Variants in CNTN5 observed in about 807,000 individuals in gnomAD.
The protein encoded by CNTN5 is contactin-5.
CNTN5 carries 77 observed loss-of-function variants against 129.1 expected under a neutral mutation model. That is an observed-to-expected ratio of 0.60 (90% CI 0.50 to 0.72). CNTN5 has a LOEUF of 0.72. CNTN5 is among the 30% of genes least tolerant of loss of function. The pLI is 0.00. For synonymous variants in CNTN5, 509 were observed against 465.6 expected, an observed-to-expected ratio of 1.09 and a Z score of -1.20; for missense variants, 1,478 against 1,328.8, an observed-to-expected ratio of 1.11 and a Z score of -1.75.
At chr11:99,583,598 C>G (rs374561237) in intron 3 of CNTN5, among the ~76,000 whole-genome samples, 1 of 152,214 alleles carries the variant, frequency 6.6e-6, no homozygotes, top group Non-Finnish European at 1.5e-5. Context: ...ATGAGCGAGG[C>G]TCCGTGGGTG....
In CNTN5 at chr11:99,648,067, G is replaced by A. The variant is rs535039253; in HGVS notation, c.55+91798G>A. On this transcript the variant is annotated intron_variant, in intron 3 of 24. Coordinates refer to ENST00000524871, the MANE Select transcript of CNTN5 (RefSeq NM_014361.4). ...TGATGTTACCTGTGGGTTTACCACA[G>A]ATAGCCTTTATTGTGTTGAGGTACT... 2.0e-5 allele frequency among the ~76,000 whole-genome samples: 3 copies of A among 152,084 alleles called. No homozygotes were observed. In the South Asian group the frequency reaches 6.2e-4, roughly 32 times the overall value.
At chr11:100,338,168 G>A (rs1397493679) in intron 21 of CNTN5, among the ~76,000 whole-genome samples, 1 of 152,228 alleles carries the variant, frequency 6.6e-6, no homozygotes, top group African/African-American at 2.4e-5. Context: ...GTTGCAATTT[G>A]TAACTTCCTT....
At chr11:99,355,911 C>A (rs1431500305) in intron 2 of CNTN5, among the ~76,000 whole-genome samples, 1 of 151,230 alleles carries the variant, frequency 6.6e-6, no homozygotes, top group East Asian at 2.0e-4. Context: ...ACTGCAAGCT[C>A]CGCCACTTGG....
chr11:99,073,194 T>A (rs1865408583), intron 1 of CNTN5, among the ~76,000 whole-genome samples: 1 of 152,074 alleles, frequency 6.6e-6, no homozygotes, highest in African/African-American at 2.4e-5. Context: ...TTGTAAATTT[T>A]TTTTTGGTGG....
At chr11:99,962,968 G>T (rs1950990909) in intron 8 of CNTN5, among the ~76,000 whole-genome samples, 1 of 151,754 alleles carries the variant, frequency 6.6e-6, no homozygotes, top group South Asian at 2.1e-4. Context: ...TTTGAGAAGT[G>T]TCTGTTCATA....
intron 17 of CNTN5, among the ~76,000 whole-genome samples, chr11:100,262,897 C>A (rs1412118668): frequency 6.6e-6 from 1 of 151,952 alleles, no homozygotes; most frequent in African/African-American, 2.4e-5. Flanking sequence ...ATGTAACAAA[C>A]CTGCACGTTC....
At position 99,675,536 on chromosome 11, in the gene CNTN5, T is replaced by C. The variant is rs543383949; in HGVS notation, c.55+119267T>C. ...TGTTTCTGCTAAAATATAAAAGATA[T>C]TAGCTGGGCATGGTGGTGGGCACCT... On this transcript the variant is annotated intron_variant, in intron 3 of 24. Transcript: ENST00000524871. Among the ~76,000 whole-genome samples the C allele has an allele frequency of 1.4e-3, 211 of 152,090 alleles. 1 individual carries two copies. Among genetic ancestry groups the C allele is most frequent in the African/African-American group, 5.0e-3 (209 of 41,484 alleles).
At chr11:99,640,644 T>G (rs1226390216) in intron 3 of CNTN5, among the ~76,000 whole-genome samples, 1 of 152,226 alleles carries the variant, frequency 6.6e-6, no homozygotes, top group East Asian at 1.9e-4. Flanking sequence ...TACCATTGTG[T>G]TATAATTGCC....
intron 21 of CNTN5, among the ~76,000 whole-genome samples, chr11:100,339,848 T>C (rs1438090503): frequency 6.6e-6 from 1 of 152,104 alleles, no homozygotes. Context: ...TACCATAAGC[T>C]CCTAACGAGG....
At chr11:99,132,027 A>G (rs1426880984) in intron 1 of CNTN5, among the ~76,000 whole-genome samples, 4 of 152,218 alleles carry the variant, frequency 2.6e-5, no homozygotes, top group African/African-American at 9.6e-5. Flanking sequence ...TGAATCCAGT[A>G]GCACATCAAA....
chr11:99,698,830 G>A (rs80248295), intron 3 of CNTN5, among the ~76,000 whole-genome samples: 2,896 of 150,660 alleles, frequency 0.019, 88 homozygotes, highest in African/African-American at 0.065. Context: ...ATTCTAAAGA[G>A]CAAAGCTGTG....
chr11:100,220,071 A>T (rs1949229245), intron 15 of CNTN5, among the ~76,000 whole-genome samples: 1 of 152,012 alleles, frequency 6.6e-6, no homozygotes, highest in African/African-American at 2.4e-5. Context: ...AGGTCGAGAG[A>T]TCGAGACCAT....
intron 2 of CNTN5, among the ~76,000 whole-genome samples, chr11:99,370,822 T>G (rs1362740620): frequency 6.6e-6 from 1 of 152,214 alleles, no homozygotes; most frequent in Non-Finnish European, 1.5e-5. Context: ...GTTTCTGAAC[T>G]TTGGAGAAGA....
chr11:99,853,324 A>G (rs1486803431), intron 6 of CNTN5, among the ~76,000 whole-genome samples: 3 of 152,120 alleles, frequency 2.0e-5, no homozygotes, highest in Admixed American at 6.6e-5. Context: ...ACATAGAGCT[A>G]TAGATGTGTG....
intron 9 of CNTN5, among the ~76,000 whole-genome samples, chr11:100,016,242 G>A (rs962407821): frequency 1.3e-5 from 2 of 152,010 alleles, no homozygotes; most frequent in African/African-American, 4.8e-5. Context: ...TGAAATTACA[G>A]GGAAAGGCTG....
intron 13 of CNTN5, among the ~76,000 whole-genome samples, chr11:100,099,956 T>C (rs66475668): frequency 0.07 from 10,707 of 152,210 alleles, 478 homozygotes; most frequent in Middle Eastern, 0.23. Context: ...ACAGACTGTT[T>C]AGTGACAGCC....
intron 3 of CNTN5, among the ~76,000 whole-genome samples, chr11:99,558,806 A>C (rs906454251): frequency 1.3e-5 from 2 of 152,112 alleles, no homozygotes; most frequent in African/African-American, 4.8e-5. Flanking sequence ...AGTTGAAAAC[A>C]AAGGTCATGT....
chr11:100,303,887 G>A (rs1194297608), intron 20 of CNTN5, among the ~76,000 whole-genome samples: 1 of 151,600 alleles, frequency 6.6e-6, no homozygotes, highest in Non-Finnish European at 1.5e-5. Flanking sequence ...ATTTGGATTA[G>A]TGCCTATAAA....
At chr11:100,283,838 C>T (rs775801693) in intron 18 of CNTN5, among the ~76,000 whole-genome samples, 6 of 151,768 alleles carry the variant, frequency 4.0e-5, no homozygotes, top group South Asian at 2.1e-4. Context: ...CCCAGCTACT[C>T]GAGAGGCTGA....
Sources: gnomAD v4.1 joint callset for allele counts (sites outside exome capture counted in the v4.1 genomes callset) on GRCh38, gnomAD v4.1.1 for gene constraint, MANE v1.5 for transcripts, NCBI Gene and HGNC (gene_info 2026-07-23, HGNC 2026-07-21) for gene names.